The following PTPRT variants were observed in gnomAD, a reference collection of about 807,000 sequenced individuals.
The protein encoded by PTPRT is protein tyrosine phosphatase receptor type T.
In PTPRT, 56 loss-of-function variants were observed where a neutral mutation model predicts 176.8. The ratio of observed to expected loss-of-function variants is 0.32; its 90% CI spans 0.26 to 0.40. PTPRT has a LOEUF of 0.40. PTPRT is among the 10% of genes least tolerant of loss of function. PTPRT has a pLI of 1.00. For synonymous variants in PTPRT, 783 were observed against 739.0 expected (o/e 1.06, Z -0.96); for missense variants, 1,540 against 1,908.2 (o/e 0.81, Z 3.60).
rs116765223 is a variant in PTPRT, at chr20:42,151,348, G to A, written c.2683-9346C>T. ...ACAGGCCCTGGGGTGTCATATTCCC[G>A]TGTCCATGTGTCCTCATTGTTCAAC... On this transcript the variant is annotated intron_variant, in intron 17 of 30. Coordinates refer to ENST00000373187, the MANE Select transcript of PTPRT (RefSeq NM_007050.6). Among the ~76,000 whole-genome samples, 1,278 of 151,922 alleles carry A rather than the reference G, an allele frequency of 8.4e-3. 16 individuals carry two copies. Among genetic ancestry groups the A allele is most frequent in the African/African-American group, 0.029 (1,183 of 41,416 alleles).
intron 1 of PTPRT, among the ~76,000 whole-genome samples, chr20:43,008,578 C>G (rs1342780078): frequency 6.6e-6 from 1 of 151,896 alleles, no homozygotes; most frequent in African/African-American, 2.4e-5. Context: ...GTAATACCAG[C>G]TACTTGAGGG....
At chr20:42,559,149 A>C (rs946099965) in intron 7 of PTPRT, among the ~76,000 whole-genome samples, 3 of 152,164 alleles carry the variant, frequency 2.0e-5, no homozygotes, top group African/African-American at 7.2e-5. Flanking sequence ...AGAGGCTTAA[A>C]TCTATATAAA....
chr20:42,033,724 G>A, the PTPRT span, among the ~76,000 whole-genome samples: 2 of 152,278 alleles, frequency 1.3e-5, no homozygotes, highest in South Asian at 2.1e-4. Context: ...AACAGGGATG[G>A]GAAGGGTGCC....
chr20:42,328,641 A>G (rs186905179), intron 11 of PTPRT, among the ~76,000 whole-genome samples: 2 of 152,350 alleles, frequency 1.3e-5, no homozygotes, highest in East Asian at 3.9e-4. Context: ...TAGAATATAA[A>G]TAGTTTTCCT....
chr20:43,042,054 C>T (rs1453993487), intron 1 of PTPRT, among the ~76,000 whole-genome samples: 2 of 152,180 alleles, frequency 1.3e-5, no homozygotes, highest in Non-Finnish European at 2.9e-5. Context: ...CCTCCCTGAG[C>T]CTCAATTTCC....
chr20:43,172,417 T>C lies in PTPRT; in HGVS notation c.88+17229A>G, dbSNP rs560768420. Among the ~76,000 whole-genome samples, 18 of 152,356 alleles carry C rather than the reference T, an allele frequency of 1.2e-4. No homozygotes were observed. In the South Asian group the frequency reaches 3.1e-3, roughly 26 times the overall value. ...GCAGCAAGATCACTCTAAATACAGC[T>C]TGTGGGCCTGGGATGAGCATTAGAG... On this transcript the variant is annotated intron_variant, in intron 1 of 30. Coordinates refer to ENST00000373187, the MANE Select transcript of PTPRT (RefSeq NM_007050.6).
At chr20:42,100,436 G>A (rs189520193) in intron 26 of PTPRT, among the ~76,000 whole-genome samples, 3 of 152,320 alleles carry the variant, frequency 2.0e-5, no homozygotes, top group African/African-American at 4.8e-5. Context: ...AGATAAGGAC[G>A]ACTTTTTTTT....
In PTPRT at chr20:42,771,569, A is replaced by T. The variant is rs1342102650; in HGVS notation, c.569-19T>A. The T allele has an allele frequency of 2.5e-6, 4 of 1,597,866 alleles. No homozygotes were observed. Among genetic ancestry groups the T allele is most frequent in the Middle Eastern group, 1.7e-4 (1 of 5,998 alleles). ...GCTTTTCCTAAGAGAGAAACCAAAG[A>T]ACACAAGAGAATGAGATTCGACAGC... On this transcript the variant is annotated intron_variant, in intron 4 of 30. Transcript: ENST00000373187.
intron 2 of PTPRT, among the ~76,000 whole-genome samples, chr20:42,882,441 G>T (rs1342354121): frequency 1.3e-5 from 2 of 152,142 alleles, no homozygotes; most frequent in Admixed American, 6.5e-5. Context: ...CCATGTCTTT[G>T]GGGAGAGAGA....
chr20:42,815,535 G>A (rs1042310350), intron 2 of PTPRT, among the ~76,000 whole-genome samples: 2 of 152,184 alleles, frequency 1.3e-5, no homozygotes, highest in African/African-American at 4.8e-5. Flanking sequence ...GTCAAACTTA[G>A]AAGTTGTCAT....
chr20:42,225,747 G>A (rs1396760152), intron 15 of PTPRT, among the ~76,000 whole-genome samples: 1 of 152,174 alleles, frequency 6.6e-6, no homozygotes, highest in Non-Finnish European at 1.5e-5. Flanking sequence ...CCGCCTCCCG[G>A]CTTCAAGCGA....
chr20:42,189,689 A>C (rs1990921327), intron 16 of PTPRT, among the ~76,000 whole-genome samples: 1 of 152,202 alleles, frequency 6.6e-6, no homozygotes, highest in Non-Finnish European at 1.5e-5. Flanking sequence ...ACAAAACTAG[A>C]ACGGTCGTGT....
Position 42,173,154 on chromosome 20 carries a change from C to T in PTPRT, c.2492-11612G>A, listed in dbSNP as rs541601783. ...GTTATTATTTTCATTTTGAGTAAATCAAGTGGAAAGTTTCACCCATCTGGT... is the reference window on the plus strand; with the variant it reads ...GTTATTATTTTCATTTTGAGTAAATTAAGTGGAAAGTTTCACCCATCTGGT... On this transcript the variant is annotated intron_variant, in intron 16 of 30. Coordinates refer to ENST00000373187, the MANE Select transcript of PTPRT (RefSeq NM_007050.6). 3.5e-4 allele frequency among the ~76,000 whole-genome samples: 54 copies of T among 152,250 alleles called. 1 individual carries two copies. Among genetic ancestry groups the T allele is most frequent in the African/African-American group, 1.3e-3 (52 of 41,550 alleles).
intron 18 of PTPRT, among the ~76,000 whole-genome samples, chr20:42,141,033 A>ACT (rs981358515): frequency 6.6e-6 from 1 of 151,998 alleles, no homozygotes; most frequent in African/African-American, 2.4e-5. Context: ...GGCGCTAACT[A>ACT]CTCTGCACCG....
At chr20:42,198,376 A>AT (rs1405259023) in intron 16 of PTPRT, among the ~76,000 whole-genome samples, 2 of 152,092 alleles carry the variant, frequency 1.3e-5, no homozygotes, top group Admixed American at 6.5e-5. Context: ...CTCTTGAGTG[A>AT]TTTTTTACAA....
chr20:42,136,232 CTTTTTT>C (rs397864699), intron 18 of PTPRT, among the ~76,000 whole-genome samples: 1 of 63,036 alleles, frequency 1.6e-5, no homozygotes, highest in Non-Finnish European at 2.7e-5. Flanking sequence ...AAGAACAGTG[CTTTTTT>C]TTTTTTTTTT....
chr20:42,195,136 C>T (rs569684530), intron 16 of PTPRT, among the ~76,000 whole-genome samples: 1 of 152,032 alleles, frequency 6.6e-6, no homozygotes, highest in Admixed American at 6.6e-5. Flanking sequence ...GCACATGTAC[C>T]CTAAAACTTA....
In PTPRT at chr20:43,038,200, A is replaced by T. The variant is rs151105119; in HGVS notation, c.88+151446T>A. On this transcript the variant is annotated intron_variant, in intron 1 of 30. Transcript: ENST00000373187. ...ATATACGTATCATATTACCTCCCTA[A>T]AATCTAATAAAATACGAATTACAAA... Among the ~76,000 whole-genome samples the T allele has an allele frequency of 3.9e-3, 587 of 149,986 alleles. 7 individuals are homozygous for T. Among genetic ancestry groups the T allele is most frequent in the African/African-American group, 0.013 (548 of 40,594 alleles).
intron 6 of PTPRT, among the ~76,000 whole-genome samples, chr20:42,678,881 A>G (rs2075554236): frequency 6.6e-6 from 1 of 152,214 alleles, no homozygotes; most frequent in Non-Finnish European, 1.5e-5. Flanking sequence ...CATTTCTTAC[A>G]TAGAACACAC....
Sources: gnomAD v4.1 joint callset for allele counts (sites outside exome capture counted in the v4.1 genomes callset) on GRCh38, gnomAD v4.1.1 for gene constraint, MANE v1.5 for transcripts, NCBI Gene and HGNC (gene_info 2026-07-23, HGNC 2026-07-21) for gene names.